The following USP54 variants were observed in gnomAD, a reference collection of about 807,000 sequenced individuals.
The protein encoded by USP54 is ubiquitin carboxyl-terminal hydrolase 54.
Under a neutral mutation model 170.5 loss-of-function variants are expected in USP54, and 87 were observed. That is an observed-to-expected ratio of 0.51 (90% CI 0.43 to 0.61). The LOEUF (loss-of-function observed/expected upper bound fraction) is 0.61. USP54 is among the 20% of genes least tolerant of loss of function. USP54 has a pLI of 0.00. For synonymous variants in USP54, 655 were observed against 742.8 expected (o/e 0.88, Z 1.92); for missense variants, 1,786 against 2,047.8 (o/e 0.87, Z 2.47).
At chr10:73,590,818 A>T (rs1406311167) in intron 1 of USP54, among the ~76,000 whole-genome samples, 2 of 152,204 alleles carry the variant, frequency 1.3e-5, no homozygotes, top group African/African-American at 2.4e-5. Flanking sequence ...AGAATCATTC[A>T]GCTACTTTCC....
At chr10:73,579,091 C>T (rs1393986675) in intron 1 of USP54, among the ~76,000 whole-genome samples, 1 of 151,610 alleles carries the variant, frequency 6.6e-6, no homozygotes, top group African/African-American at 2.4e-5. Flanking sequence ...CCCCTTCCCC[C>T]AGTAGCTGGC....
rs1292403532 is a variant in USP54, at chr10:73,529,713, T to A, written c.2027A>T (p.Asp676Val). The A allele has an allele frequency of 6.2e-7, 1 of 1,614,042 alleles. No homozygotes were observed. The highest frequency in any genetic ancestry group is 8.5e-7 in the Non-Finnish European group (1 of 1,179,896). The change falls in exon 15 of 24, where the codon GAT becomes GTT. Residue 676 changes from aspartate to valine, a missense_variant. Physicochemically the swap from Asp to Val is radical, Grantham distance 152 (BLOSUM62 -3). Transcript: ENST00000687698. ...ATTTGAGCTCTCAGGCAGGGCTGCA[T>A]CCAGGCTGACAGGGCTGCTGCTGTT... ...ERNSSSPVSLDAALPESSNVY... is the reference protein window; with the variant it reads ...ERNSSSPVSLVAALPESSNVY...
chr10:73,505,072 G>A (rs1312043843), intron 21 of USP54, 82 bp from the exon 22 acceptor site: 3 of 1,586,560 alleles, frequency 1.9e-6, no homozygotes, highest in Admixed American at 1.7e-5. Flanking sequence ...CAGGGTATGG[G>A]AAAGAGTAGG....
At position 73,562,202 on chromosome 10, in the gene USP54, T is replaced by C. The variant is rs568823931; in HGVS notation, c.240+9219A>G. Among the ~76,000 whole-genome samples, 5 of 152,310 alleles carry C rather than the reference T, an allele frequency of 3.3e-5. No homozygotes were observed. The South Asian group carries it at 8.3e-4, about 25-fold the overall frequency. On this transcript the variant is annotated intron_variant, in intron 4 of 23. Coordinates refer to ENST00000687698, the MANE Select transcript of USP54 (RefSeq NM_001391956.1). The stretch of plus-strand genomic sequence containing the variant: ...TTACACTTTAGTGTGCTTCCTAGAA[T>C]GGTTGCAGTGCTTTTCTATATTTTA...
At chr10:73,574,220 G>A (rs1382451877) in intron 3 of USP54, among the ~76,000 whole-genome samples, 1 of 152,124 alleles carries the variant, frequency 6.6e-6, no homozygotes, top group East Asian at 1.9e-4. Flanking sequence ...CAGTGAAAGG[G>A]AAAATGTAGG....
At chr10:73,525,834 C>T (rs1359734428) in intron 16 of USP54, among the ~76,000 whole-genome samples, 2 of 152,212 alleles carry the variant, frequency 1.3e-5, no homozygotes, top group Non-Finnish European at 2.9e-5. Context: ...CTGCTGCAGG[C>T]CTTTCTTCCT....
In USP54 at chr10:73,617,770, C is replaced by T. The variant is rs1454503166; in HGVS notation, c.-18+7797G>A. Among the ~76,000 whole-genome samples, 3 of 149,814 alleles carry T rather than the reference C, an allele frequency of 2.0e-5. 1 individual carries two copies. Among genetic ancestry groups the T allele is most frequent in the African/African-American group, 7.6e-5 (3 of 39,454 alleles). On this transcript the variant is annotated intron_variant, in intron 1 of 22. Coordinates refer to the USP54 transcript ENST00000339859. ...AAAAACTTTTTTAAAATTAGCTGGG[C>T]ATGGTGGTGCACATCTGTAGTTCCA...
At chr10:73,605,559 T>C (rs558458521) in intron 1 of USP54, among the ~76,000 whole-genome samples, 2 of 152,098 alleles carry the variant, frequency 1.3e-5, no homozygotes, top group African/African-American at 2.4e-5. Flanking sequence ...TGTATACCCA[T>C]GTTCATAGCA....
chr10:73,573,729 C>T (rs573753644), intron 3 of USP54, among the ~76,000 whole-genome samples: 1 of 152,284 alleles, frequency 6.6e-6, no homozygotes, highest in East Asian at 1.9e-4. Flanking sequence ...CCCACCACTG[C>T]ACTCCAGCCT....
At position 73,516,763 on chromosome 10, in the gene USP54, G is replaced by A. The variant is rs137958233; in HGVS notation, c.3663C>T (p.Ser1221=). 47 of 1,614,134 alleles carry A rather than the reference G, an allele frequency of 2.9e-5. No homozygotes were observed. The highest frequency in any genetic ancestry group is 4.4e-5 in the South Asian group (4 of 91,082). The change falls in exon 20 of 24, where the codon AGC becomes AGT. Residue 1221 remains serine (S), a synonymous_variant. Coordinates refer to ENST00000687698, the MANE Select transcript of USP54 (RefSeq NM_001391956.1). Reference sequence around the variant, plus strand: ...GCTCTGCCAACCTGGGCTGTCCTCCGCTAGAAGTTTCACCATTAGGCAGCC... The same window carrying A: ...GCTCTGCCAACCTGGGCTGTCCTCCACTAGAAGTTTCACCATTAGGCAGCC... ...NSGLPNGETS[S]GGQPRLAEPD...
In USP54 at chr10:73,517,461, A is replaced by G; in HGVS notation, c.2965T>C (p.Trp989Arg). The change falls in exon 20 of 24, where the codon TGG becomes CGG. Residue 989 changes from tryptophan (W) to arginine (R), a missense_variant. Physicochemically the swap from Trp to Arg is moderately radical, Grantham distance 101. Coordinates refer to ENST00000687698, the MANE Select transcript of USP54 (RefSeq NM_001391956.1). ...CCCTCTGGGGCATCCAATGGCTCCC[A>G]ACTATGATGAGAATTCTTCTCAGTC... Reference protein sequence around the residue: ...GWTEKNSHHSWEPLDAPEGKL... With the variant: ...GWTEKNSHHSREPLDAPEGKL... 1 of 1,614,216 alleles carries G rather than the reference A, an allele frequency of 6.2e-7. No individual in the cohort carries two copies.
At chr10:73,539,698 T>C in intron 9 of USP54, 105 bp from the exon 10 acceptor site, 1 of 1,231,082 alleles carries the variant, frequency 8.1e-7, no homozygotes, top group Non-Finnish European at 1.1e-6. Flanking sequence ...ACTGACTTGC[T>C]TCTCTTCCCT....
At chr10:73,513,944 T>C (rs1210871529) in intron 20 of USP54, among the ~76,000 whole-genome samples, 2 of 152,080 alleles carry the variant, frequency 1.3e-5, no homozygotes, top group Admixed American at 6.6e-5. Flanking sequence ...GCCCCCCAAA[T>C]AGCTGGGATT....
chr10:73,541,327 C>T, intron 9 of USP54, 48 bp downstream of exon 9: 1 of 1,610,988 alleles, frequency 6.2e-7, no homozygotes, highest in Non-Finnish European at 8.5e-7. Flanking sequence ...CTAAGCAATA[C>T]TAAGACGCAA....
In USP54 at chr10:73,545,549, C is replaced by A; in HGVS notation, c.364G>T (p.Ala122Ser). Reference protein sequence around the residue: ...RFQLGIMDDAAECFENLLMRI... With the variant: ...RFQLGIMDDASECFENLLMRI... ...AGGCCAGCACTTACAAAGCACTCTG[C>A]AGCATCATCCATAATTCCCAGCTGG... The change falls in exon 5 of 24, where the codon GCA becomes TCA. Residue 122 changes from alanine to serine, a missense_variant. By Grantham distance (99) the Ala-to-Ser change is moderately conservative. This residue lies in a region of USP54 where 361 missense variants were observed against 455.0 expected (regional missense o/e 0.79). Coordinates refer to ENST00000687698, the MANE Select transcript of USP54 (RefSeq NM_001391956.1). The A allele has an allele frequency of 6.2e-7, 1 of 1,614,130 alleles. No homozygotes were observed. The highest frequency in any genetic ancestry group is 8.5e-7 in the Non-Finnish European group (1 of 1,179,958).
rs1012171915 is a variant in USP54 at position 73,517,081 on chromosome 10, C to T, written c.3345G>A (p.Glu1115=). ...TGGGAAACTCTGGCCTATAGGTCTC[C>T]TCACTGCCTCTGTCCACTTTTAAAG... ...SLTLKVDRGS[E]ETYRPEFPST... is the part of the protein sequence containing the mutation. Residue 1115 remains glutamate, a synonymous_variant, in exon 20 of 24, where the codon GAG becomes GAA. Transcript: ENST00000687698. 6.2e-7 allele frequency: 1 copy of T among 1,614,096 alleles called. No individual in the cohort carries two copies. Among genetic ancestry groups the T allele is most frequent in the African/African-American group, 1.3e-5 (1 of 74,930 alleles).
intron 15 of USP54, among the ~76,000 whole-genome samples, chr10:73,527,837 C>CAAAAAAAAAAAA: frequency 2.3e-5 from 1 of 43,720 alleles, no homozygotes; most frequent in African/African-American, 8.7e-5. Context: ...CCATCGATAC[C>CAAAAAAAAAAAA]AAAAAAAAAA....
At position 73,541,446 on chromosome 10, in the gene USP54, A is replaced by AT; in HGVS notation, c.753dup (p.Trp252MetfsTer21). ...GCTAAGTCTGAGTGGTCTGAGTCCCATACCAGCCCAATCGTGATAATCTGT... is the reference window on the plus strand; with the variant it reads ...GCTAAGTCTGAGTGGTCTGAGTCCCATTACCAGCCCAATCGTGATAATCTGT... On this transcript the variant is annotated frameshift_variant, in exon 9 of 24. Transcript: ENST00000687698. LOFTEE classifies it high-confidence loss of function. 1 of 1,614,226 alleles carries AT rather than the reference A, an allele frequency of 6.2e-7. No individual in the cohort carries two copies. The highest frequency in any genetic ancestry group is 8.5e-7 in the Non-Finnish European group (1 of 1,180,038).
At position 73,516,891 on chromosome 10, in the gene USP54, C is replaced by T. The variant is rs1275774001; in HGVS notation, c.3535G>A (p.Gly1179Ser). 1.2e-6 allele frequency: 2 copies of T among 1,614,252 alleles called. No homozygotes were observed. Among genetic ancestry groups the T allele is most frequent in the Non-Finnish European group, 8.5e-7 (1 of 1,180,044 alleles). Residue 1179 changes from glycine (G) to serine (S), a missense_variant, in exon 20 of 24, where the codon GGC becomes AGC. By Grantham distance (56) the Gly-to-Ser change is moderately conservative (BLOSUM62 0). Transcript: ENST00000687698. ...TGTTGCTTTGCCCATGGCCAGTGGC[C>T]TTTCTCTTGACCCTGTGAGAAAGGA... The part of the protein sequence containing the change: ...KPPFSQGQEK[G>S]HWPWAKQQSS...
Sources: allele counts gnomAD v4.1 joint callset (sites outside exome capture counted in the v4.1 genomes callset), GRCh38; gene constraint gnomAD v4.1.1; regional missense constraint gnomAD v4.1.1; transcripts MANE v1.5; gene names NCBI Gene and HGNC (gene_info 2026-07-23, HGNC 2026-07-21).